Variants in CNTNAP2 observed in about 807,000 individuals in gnomAD.
The protein encoded by CNTNAP2 is contactin-associated protein-like 2.
A neutral mutation model predicts 155.2 loss-of-function variants in CNTNAP2; 98 were observed. That is an observed-to-expected ratio of 0.63 (90% CI 0.54 to 0.75). CNTNAP2 has a LOEUF of 0.75. Ranked by LOEUF, CNTNAP2 falls within the 30% of genes least tolerant of loss-of-function variation. The probability of loss-of-function intolerance (pLI) is 0.00; values close to 1 mark genes in which losing one functional copy is unlikely to be tolerated. For synonymous variants in CNTNAP2, 651 were observed against 631.2 expected (o/e 1.03, Z -0.47); for missense variants, 1,727 against 1,688.1 (o/e 1.02, Z -0.40).
At chr7:146,637,547 A>C (rs1213310220) in intron 1 of CNTNAP2, among the ~76,000 whole-genome samples, 1 of 152,182 alleles carries the variant, frequency 6.6e-6, no homozygotes, top group African/African-American at 2.4e-5. Flanking sequence ...CAATTTTCTC[A>C]GTAGTTCAGA....
At chr7:146,994,708 T>G (rs1021240466) in intron 3 of CNTNAP2, among the ~76,000 whole-genome samples, 2 of 152,160 alleles carry the variant, frequency 1.3e-5, no homozygotes, top group Non-Finnish European at 2.9e-5. Flanking sequence ...CTGTGGTGAT[T>G]TAAAACTCTC....
intron 16 of CNTNAP2, among the ~76,000 whole-genome samples, chr7:148,134,218 C>A (rs190875652): frequency 6.6e-6 from 1 of 152,096 alleles, no homozygotes; most frequent in South Asian, 2.1e-4. Context: ...AGAACTGATG[C>A]GAATGCCAAC....
At chr7:146,118,332 T>C (rs1433701272) in intron 1 of CNTNAP2, among the ~76,000 whole-genome samples, 1 of 152,186 alleles carries the variant, frequency 6.6e-6, no homozygotes, top group Non-Finnish European at 1.5e-5. Flanking sequence ...TAACACAAGT[T>C]AAATCACAAA....
chr7:147,781,722 C>G (rs1033941865), intron 13 of CNTNAP2, among the ~76,000 whole-genome samples: 2 of 152,158 alleles, frequency 1.3e-5, no homozygotes. Flanking sequence ...TTTCATGCAC[C>G]TGATAGAATC....
chr7:147,735,968 C>G (rs146977395), intron 13 of CNTNAP2, among the ~76,000 whole-genome samples: 3 of 147,102 alleles, frequency 2.0e-5, no homozygotes, highest in Admixed American at 6.9e-5. Context: ...GGTCTTGACT[C>G]TTTATCCAAT....
Position 146,355,395 on chromosome 7 carries a change from C to G in CNTNAP2, c.97+238422C>G, listed in dbSNP as rs147520083. 5.9e-5 allele frequency among the ~76,000 whole-genome samples: 9 copies of G among 152,212 alleles called. No individual in the cohort carries two copies. The East Asian group carries it at 1.7e-3, about 29-fold the overall frequency. ...GGGGTTCCAATAACACAGGAGAACACAGGAGCAACCTTCTAGGCTTTATTT... is the reference window on the plus strand; with the variant it reads ...GGGGTTCCAATAACACAGGAGAACAGAGGAGCAACCTTCTAGGCTTTATTT... On this transcript the variant is annotated intron_variant, in intron 1 of 23. Transcript: ENST00000361727.
intron 1 of CNTNAP2, among the ~76,000 whole-genome samples, chr7:146,516,669 A>G (rs1797546396): frequency 6.6e-6 from 1 of 151,972 alleles, no homozygotes; most frequent in Admixed American, 6.6e-5. Flanking sequence ...CCTGAAGAGA[A>G]AAAGTCATCT....
intron 14 of CNTNAP2, among the ~76,000 whole-genome samples, chr7:147,927,544 G>T (rs961501489): frequency 6.6e-6 from 1 of 152,098 alleles, no homozygotes; most frequent in African/African-American, 2.4e-5. Flanking sequence ...TTTTTAAAAA[G>T]AATTGGTAGG....
chr7:147,141,038 T>A (rs1256624339), intron 8 of CNTNAP2, among the ~76,000 whole-genome samples: 1 of 152,206 alleles, frequency 6.6e-6, no homozygotes, highest in African/African-American at 2.4e-5. Flanking sequence ...CCTGTCACTG[T>A]GCTAAAGCCT....
chr7:146,245,181 T>C (rs1035114981), intron 1 of CNTNAP2, among the ~76,000 whole-genome samples: 3 of 151,552 alleles, frequency 2.0e-5, no homozygotes, highest in Admixed American at 6.6e-5. Context: ...GAAGGAAATA[T>C]GGGGAAATGG....
chr7:148,067,880 G>T (rs982315216), intron 15 of CNTNAP2, among the ~76,000 whole-genome samples: 6 of 152,160 alleles, frequency 3.9e-5, no homozygotes, highest in African/African-American at 1.4e-4. Context: ...ATGTTCCCAG[G>T]GGGATTATGG....
At chr7:148,074,791 A>C (rs1421272081) in intron 15 of CNTNAP2, among the ~76,000 whole-genome samples, 2 of 152,024 alleles carry the variant, frequency 1.3e-5, no homozygotes, top group Non-Finnish European at 2.9e-5. Flanking sequence ...TGAGACACCT[A>C]CTCTTAGCTT....
chr7:147,214,117 C>G (rs1209436665), intron 8 of CNTNAP2, among the ~76,000 whole-genome samples: 1 of 152,156 alleles, frequency 6.6e-6, no homozygotes, highest in Non-Finnish European at 1.5e-5. Context: ...CCAGTCAAGT[C>G]AACACCTAAA....
intron 20 of CNTNAP2, among the ~76,000 whole-genome samples, chr7:148,252,422 G>A (rs1796379321): frequency 6.6e-6 from 1 of 152,030 alleles, no homozygotes; most frequent in Non-Finnish European, 1.5e-5. Flanking sequence ...GTCCTCCCTG[G>A]GATTTCCAAG....
chr7:146,867,804 G>C (rs1017304200), intron 3 of CNTNAP2, among the ~76,000 whole-genome samples: 3 of 148,534 alleles, frequency 2.0e-5, no homozygotes, highest in Non-Finnish European at 4.5e-5. Context: ...TATGCTCGTT[G>C]GCTGCATGAA....
chr7:147,568,735 A>T (rs1032469216), intron 12 of CNTNAP2, among the ~76,000 whole-genome samples: 2 of 152,056 alleles, frequency 1.3e-5, no homozygotes, highest in African/African-American at 2.4e-5. Context: ...CATTTTCTTC[A>T]GGTGTTACCA....
At chr7:146,214,825 A>G (rs1799089193) in intron 1 of CNTNAP2, among the ~76,000 whole-genome samples, 1 of 152,218 alleles carries the variant, frequency 6.6e-6, no homozygotes, top group South Asian at 2.1e-4. Context: ...TTAAATATTC[A>G]TATAAGATAA....
At chr7:146,246,286 G>A (rs549438160) in intron 1 of CNTNAP2, among the ~76,000 whole-genome samples, 3 of 150,930 alleles carry the variant, frequency 2.0e-5, no homozygotes, top group East Asian at 3.9e-4. Flanking sequence ...TGGGAAGAAG[G>A]GCAGCAATGA....
intron 14 of CNTNAP2, among the ~76,000 whole-genome samples, chr7:147,942,254 A>T (rs1175789368): frequency 6.6e-6 from 1 of 152,154 alleles, no homozygotes; most frequent in Non-Finnish European, 1.5e-5. Flanking sequence ...TTCCTAGGCT[A>T]ACTGAATCAG....
Sources: gnomAD v4.1 joint callset for allele counts (sites outside exome capture counted in the v4.1 genomes callset) on GRCh38, gnomAD v4.1.1 for gene constraint, MANE v1.5 for transcripts, NCBI Gene and HGNC (gene_info 2026-07-23, HGNC 2026-07-21) for gene names.